GRHL1: variants seen among roughly 807,000 people sequenced by gnomAD.
GRHL1 encodes the protein grainyhead-like protein 1 homolog.
GRHL1 carries 38 observed loss-of-function variants against 75.7 expected under a neutral mutation model. The observed-to-expected ratio is 0.50, with a 90% CI of 0.39 to 0.66. The LOEUF (loss-of-function observed/expected upper bound fraction) is 0.66. Among genes scored for constraint, GRHL1 ranks in the 30% least tolerant of loss-of-function variants. The pLI, the probability that GRHL1 is intolerant of heterozygous loss-of-function variation, is 0.00. For synonymous variants in GRHL1, 266 were observed against 279.4 expected (o/e 0.95, Z 0.48); for missense variants, 589 against 767.5 (o/e 0.77, Z 2.75).
At chr2:9,994,310 A>AATTATTATT (rs70948860) in intron 12 of GRHL1, among the ~76,000 whole-genome samples, 2,156 of 139,138 alleles carry the variant, frequency 0.015, 39 homozygotes, top group South Asian at 0.032. Context: ...ACACCCATCT[A>AATTATTATT]ATTATTATTA....
intron 1 of GRHL1, among the ~76,000 whole-genome samples, chr2:9,952,150 G>A (rs1666811545): frequency 6.6e-6 from 1 of 151,914 alleles, no homozygotes; most frequent in Non-Finnish European, 1.5e-5. Flanking sequence ...GCGCACCTTG[G>A]GGTCCGGGCC....
chr2:9,996,464 T>C (rs16867277), intron 14 of GRHL1, 63 bp downstream of exon 14: 72,896 of 1,059,766 alleles, frequency 0.069, 2,787 homozygotes, highest in Middle Eastern at 0.094. Context: ...TAGGATTTCA[T>C]TGAAACACTT....
At chr2:9,994,432 A>G (rs544355154) in intron 12 of GRHL1, among the ~76,000 whole-genome samples, 210 of 151,898 alleles carry the variant, frequency 1.4e-3, no homozygotes, top group Non-Finnish European at 2.5e-3. Flanking sequence ...GTGCATCCTG[A>G]TGGAGAGAGC....
At chr2:9,956,130 A>G (rs79391973) in intron 2 of GRHL1, among the ~76,000 whole-genome samples, 2,658 of 152,294 alleles carry the variant, frequency 0.017, 68 homozygotes, top group African/African-American at 0.061. Context: ...TTTTGTTTTA[A>G]AAACTTTCAA....
intron 1 of GRHL1, 112 bp from the exon 2 acceptor site, chr2:9,954,803 G>C: frequency 1.1e-6 from 1 of 904,288 alleles, no homozygotes; most frequent in Non-Finnish European, 1.8e-6. Context: ...GACTTCCTAG[G>C]GTCATTGATG....
rs1197548441 is a variant in GRHL1, at chr2:9,998,999, T to C, written c.1712T>C (p.Ile571Thr). The C allele has an allele frequency of 3.8e-6, 6 of 1,581,778 alleles. No individual in the cohort carries two copies. Among genetic ancestry groups the C allele is most frequent in the East Asian group, 2.3e-5 (1 of 43,206 alleles). Residue 571 changes from isoleucine to threonine, a missense_variant, in exon 15 of 16, where the codon ATT becomes ACT. Transcript: ENST00000324907. Reference sequence around the variant, plus strand: ...AAATACGATGTTCCCCATGACAAGATTGGGAAAATATTCAAGAAGTGTAAA... The same window carrying C: ...AAATACGATGTTCCCCATGACAAGACTGGGAAAATATTCAAGAAGTGTAAA... ...SDKYDVPHDKIGKIFKKCKKG... is the reference protein window; with the variant it reads ...SDKYDVPHDKTGKIFKKCKKG...
At chr2:9,980,304 T>G (rs1668144670) in intron 8 of GRHL1, among the ~76,000 whole-genome samples, 1 of 152,066 alleles carries the variant, frequency 6.6e-6, no homozygotes, top group Non-Finnish European at 1.5e-5. Flanking sequence ...TCTGATTTCT[T>G]GTTGGTTTCT....
intron 2 of GRHL1, among the ~76,000 whole-genome samples, chr2:9,955,620 G>T (rs959384969): frequency 1.3e-5 from 2 of 152,134 alleles, no homozygotes; most frequent in African/African-American, 4.8e-5. Flanking sequence ...ACTCTGCATG[G>T]AATTTTACAT....
At chr2:9,964,559 C>T in intron 7 of GRHL1, 1 of 470,602 alleles carries the variant, frequency 2.1e-6, no homozygotes, top group Non-Finnish European at 3.8e-6. Flanking sequence ...CACGTGGTGG[C>T]TTTCCACAGG....
intron 8 of GRHL1, among the ~76,000 whole-genome samples, chr2:9,974,032 C>G (rs553236478): frequency 3.9e-4 from 60 of 152,348 alleles, no homozygotes; most frequent in African/African-American, 1.1e-3. Context: ...TCGCCCTTTT[C>G]TCTAAGTTCA....
At chr2:9,978,149 A>G (rs968277940) in intron 8 of GRHL1, among the ~76,000 whole-genome samples, 3 of 152,186 alleles carry the variant, frequency 2.0e-5, no homozygotes, top group African/African-American at 7.2e-5. Flanking sequence ...TGGGAGCTAC[A>G]ATTCAAGATG....
In GRHL1 at chr2:9,985,385, C is replaced by G. The variant is rs114980654; in HGVS notation, c.1111-739C>G. ...GTTCTCAGCCTATTAACAAACGTTACCACTTTTGTCTTAGGTTTAATCTGG... is the reference window on the plus strand; with the variant it reads ...GTTCTCAGCCTATTAACAAACGTTAGCACTTTTGTCTTAGGTTTAATCTGG... On this transcript the variant is annotated intron_variant, in intron 8 of 15. Coordinates refer to ENST00000324907, the MANE Select transcript of GRHL1 (RefSeq NM_198182.3). 7.6e-3 allele frequency among the ~76,000 whole-genome samples: 1,153 copies of G among 152,264 alleles called. 13 individuals carry two copies. Among genetic ancestry groups the G allele is most frequent in the African/African-American group, 0.026 (1,099 of 41,524 alleles).
chr2:9,983,417 T>C (rs1572373012), intron 8 of GRHL1, among the ~76,000 whole-genome samples: 1 of 152,152 alleles, frequency 6.6e-6, no homozygotes, highest in Admixed American at 6.5e-5. Flanking sequence ...GAAATGTATA[T>C]CAGTAAGAGA....
intron 14 of GRHL1, 125 bp from the exon 15 acceptor site, chr2:9,998,840 A>C: frequency 9.5e-6 from 1 of 104,858 alleles, no homozygotes; most frequent in Non-Finnish European, 1.5e-5. Context: ...ATATATACGT[A>C]TATATATGTA....
chr2:9,953,443 A>G (rs763604774), intron 1 of GRHL1, among the ~76,000 whole-genome samples: 4 of 152,196 alleles, frequency 2.6e-5, no homozygotes, highest in Non-Finnish European at 5.9e-5. Context: ...TTTAAAGTTG[A>G]GATTTGTGTA....
At chr2:9,965,263 T>G in intron 7 of GRHL1, 24 bp from the exon 8 acceptor site, 1 of 1,362,542 alleles carries the variant, frequency 7.3e-7, no homozygotes, top group Non-Finnish European at 1.1e-6. Context: ...GAGTTTTCAT[T>G]TTCTCTTCCA....
intron 8 of GRHL1, among the ~76,000 whole-genome samples, chr2:9,985,499 T>A (rs146399165): frequency 2.5e-4 from 38 of 152,344 alleles, no homozygotes; most frequent in Non-Finnish European, 4.9e-4. Context: ...AATTGTAAAT[T>A]ACAAATCATC....
At chr2:9,970,985 G>T (rs1667700330) in intron 8 of GRHL1, among the ~76,000 whole-genome samples, 1 of 152,130 alleles carries the variant, frequency 6.6e-6, no homozygotes, top group Non-Finnish European at 1.5e-5. Context: ...AAAAGCTGAT[G>T]GAGTTCTTGG....
intron 3 of GRHL1, 109 bp downstream of exon 3, chr2:9,958,965 G>C: frequency 6.8e-7 from 1 of 1,468,570 alleles, no homozygotes; most frequent in Non-Finnish European, 9.1e-7. Context: ...AAAGAGATAG[G>C]TAAGTTGGAC....
Sources: gnomAD v4.1 joint callset for allele counts (sites outside exome capture counted in the v4.1 genomes callset) on GRCh38, gnomAD v4.1.1 for gene constraint, MANE v1.5 for transcripts, NCBI Gene and HGNC (gene_info 2026-07-23, HGNC 2026-07-21) for gene names.